The following MSN variants were observed in gnomAD, a reference collection of about 807,000 sequenced individuals.
MSN encodes the protein moesin, also known as epididymis luminal protein 70.
Under a neutral mutation model 48.0 loss-of-function variants are expected in MSN, and 2 were observed. That is an observed-to-expected ratio of 0.04 (90% confidence interval 0.02 to 0.13). MSN has a LOEUF of 0.13. Ranked by LOEUF, MSN falls within the 10% of genes least tolerant of loss-of-function variation. The pLI is 1.00. For missense variants in MSN, 267 were observed against 470.1 expected (o/e 0.57, Z 3.99); for synonymous variants, 146 against 166.9 (o/e 0.87, Z 0.97).
Position 65,737,201 on chromosome X carries a change from G to T in MSN, c.1114G>T (p.Ala372Ser). The change falls in exon 10 of 13, where the codon GCT (alanine) becomes TCT (serine). Residue 372 changes from alanine (A) to serine (S), a missense_variant. Transcript: ENST00000360270. ...QQELEEQTRR[A>S]LELEQERKRA... ...AGAACTGGAAGAACAGACCCGTAGG[G>T]CTCTGGAACTTGAGCAGGAACGGAA... The T allele has an allele frequency of 8.3e-7, 1 of 1,206,742 alleles. No homozygotes were observed.
intron 1 of MSN, among the ~76,000 whole-genome samples, chrX:65,615,022 A>C (rs1337436351): frequency 2.0e-5 from 2 of 100,880 alleles, no homozygotes; most frequent in Non-Finnish European, 4.0e-5. Flanking sequence ...TGTCCCTACA[A>C]AGGACATGAA....
chrX:65,610,266 G>T (rs1037415050), intron 1 of MSN, among the ~76,000 whole-genome samples: 5 of 111,708 alleles, frequency 4.5e-5, no homozygotes, highest in African/African-American at 6.5e-5. Flanking sequence ...CCTACTCCCT[G>T]CCTCCCTCCT....
intron 7 of MSN, 112 bp downstream of exon 7, chrX:65,733,392 G>A (rs953637327): frequency 1.1e-5 from 6 of 556,868 alleles, no homozygotes; most frequent in Admixed American, 6.1e-5. Flanking sequence ...GTGTACGTGT[G>A]TGCGCGCATG....
At chrX:65,666,349 C>T (rs1310766328), upstream of MSN, among the ~76,000 whole-genome samples, 1 of 109,000 alleles carries the variant, frequency 9.2e-6, no homozygotes, top group African/African-American at 3.4e-5. Flanking sequence ...ATTTTTGAGA[C>T]AGAGTTTCAC....
chrX:65,650,657 A>C (rs1038995808), intron 1 of MSN, among the ~76,000 whole-genome samples: 1 of 112,326 alleles, frequency 8.9e-6, no homozygotes, highest in African/African-American at 3.2e-5. Context: ...AGCAGAACAG[A>C]CCTATTTCCT....
chrX:65,642,281 A>G (rs147436092), intron 1 of MSN, among the ~76,000 whole-genome samples: 1,791 of 110,989 alleles, frequency 0.016, 36 homozygotes, highest in African/African-American at 0.056. Context: ...ATTGGCATGC[A>G]AAGATGCCCA....
intron 1 of MSN, among the ~76,000 whole-genome samples, chrX:65,648,319 G>A (rs993447835): frequency 2.7e-5 from 3 of 111,551 alleles, no homozygotes; most frequent in African/African-American, 9.8e-5. Context: ...TTGGGAGGCC[G>A]ACGTGGGCAG....
intron 2 of MSN, among the ~76,000 whole-genome samples, chrX:65,722,664 C>A (rs1392873207): frequency 2.7e-5 from 3 of 110,478 alleles, no homozygotes; most frequent in Non-Finnish European, 5.7e-5. Context: ...AAAGATCTGC[C>A]CCGCCCCAGC....
intron 1 of MSN, chrX:65,625,779 A>G (rs1489476176): frequency 1.8e-5 from 2 of 110,286 alleles, no homozygotes; most frequent in African/African-American, 6.7e-5. Flanking sequence ...GATTACTGAT[A>G]TGGAAGAACT....
At chrX:65,608,035 T>G (rs1198269913) in intron 1 of MSN, among the ~76,000 whole-genome samples, 1 of 112,270 alleles carries the variant, frequency 8.9e-6, no homozygotes, top group Admixed American at 9.5e-5. Context: ...GAAAGGGGCA[T>G]AGCCCTACCA....
At chrX:65,599,084 C>T (rs2070209935) in intron 1 of MSN, among the ~76,000 whole-genome samples, 1 of 106,805 alleles carries the variant, frequency 9.4e-6, no homozygotes, top group Admixed American at 1.0e-4. Flanking sequence ...GTCAGGAATT[C>T]GAGACCAGCC....
upstream of MSN, chrX:65,667,498 C>CG (rs1190527685): frequency 7.7e-6 from 3 of 390,561 alleles, no homozygotes; most frequent in Admixed American, 1.8e-4. Flanking sequence ...CGGGCCCAGC[C>CG]GGGCCCCCCA....
chrX:65,706,155 A>G (rs995513725), intron 1 of MSN, among the ~76,000 whole-genome samples: 9 of 111,554 alleles, frequency 8.1e-5, no homozygotes, highest in African/African-American at 2.9e-4. Context: ...CCTCTTATGG[A>G]AAAAAGCTAG....
chrX:65,719,656 C>T (rs943458450), intron 2 of MSN, among the ~76,000 whole-genome samples: 1 of 111,513 alleles, frequency 9.0e-6, no homozygotes, highest in Admixed American at 9.5e-5. Flanking sequence ...AGCGGTTAGT[C>T]AGTGCAGATT....
chrX:65,701,048 T>C (rs1295456661), intron 1 of MSN, among the ~76,000 whole-genome samples: 1 of 111,980 alleles, frequency 8.9e-6, no homozygotes, highest in Admixed American at 9.5e-5. Flanking sequence ...GCCTCTTCTT[T>C]TCCTCAAGTT....
chrX:65,702,659 C>CT (rs1569464514), intron 1 of MSN, among the ~76,000 whole-genome samples: 1 of 109,905 alleles, frequency 9.1e-6, no homozygotes, highest in Non-Finnish European at 1.9e-5. Flanking sequence ...GAGTGAGACT[C>CT]TGTCTAAAAC....
intron 1 of MSN, among the ~76,000 whole-genome samples, chrX:65,613,062 G>T (rs1405320076): frequency 9.0e-6 from 1 of 111,066 alleles, no homozygotes; most frequent in Admixed American, 9.7e-5. Flanking sequence ...CTCAGTGTGT[G>T]ATGTTCCCTG....
intron 1 of MSN, among the ~76,000 whole-genome samples, chrX:65,601,764 T>TAAAC (rs2070237918): frequency 8.9e-6 from 1 of 112,596 alleles, no homozygotes; most frequent in South Asian, 3.6e-4. Context: ...AACCACTGAG[T>TAAAC]GTTTACATTG....
At chrX:65,670,268 A>G (rs1349409364) in intron 1 of MSN, among the ~76,000 whole-genome samples, 1 of 112,031 alleles carries the variant, frequency 8.9e-6, no homozygotes, top group African/African-American at 3.2e-5. Flanking sequence ...CTCCATTTTC[A>G]TTTATGTGCT....
Sources: allele counts gnomAD v4.1 joint callset (sites outside exome capture counted in the v4.1 genomes callset), GRCh38; gene constraint gnomAD v4.1.1; transcripts MANE v1.5; gene names NCBI Gene and HGNC (gene_info 2026-07-23, HGNC 2026-07-21).